Variants in NALF1 observed in about 807,000 individuals in gnomAD.
NALF1 encodes NALCN channel auxiliary factor 1, also known as family with sequence similarity 155 member A.
Under a neutral mutation model 48.4 loss-of-function variants are expected in NALF1, and 3 were observed. The ratio of observed to expected loss-of-function variants is 0.06; its 90% CI spans 0.03 to 0.16. NALF1 has a LOEUF of 0.16. Among genes scored for constraint, NALF1 ranks in the 10% least tolerant of loss-of-function variants. NALF1 has a pLI of 1.00. For synonymous variants in NALF1, 262 were observed against 245.7 expected, an observed-to-expected ratio of 1.07 and a Z score of -0.62; for missense variants, 526 against 571.5, an observed-to-expected ratio of 0.92 and a Z score of 0.81.
chr13:107,560,726 G>C (rs756581253), intron 1 of NALF1, among the ~76,000 whole-genome samples: 4 of 152,008 alleles, frequency 2.6e-5, no homozygotes, highest in Non-Finnish European at 5.9e-5. Context: ...TCCCCCACTG[G>C]TCTACTGGTG....
At chr13:107,811,287 G>A (rs1268558125) in intron 1 of NALF1, among the ~76,000 whole-genome samples, 8 of 152,264 alleles carry the variant, frequency 5.3e-5, no homozygotes, top group African/African-American at 1.9e-4. Context: ...CAGGGGAGAT[G>A]TTATTTCTCT....
At chr13:107,819,342 T>C (rs1879285435) in intron 1 of NALF1, among the ~76,000 whole-genome samples, 1 of 152,154 alleles carries the variant, frequency 6.6e-6, no homozygotes. Context: ...TTTAAGCAAA[T>C]TAATGATTAC....
At chr13:107,203,354 G>T (rs1879562377) in intron 2 of NALF1, among the ~76,000 whole-genome samples, 1 of 152,148 alleles carries the variant, frequency 6.6e-6, no homozygotes, top group Non-Finnish European at 1.5e-5. Context: ...CCTGGCTGTA[G>T]AGGAGATCAC....
intron 1 of NALF1, among the ~76,000 whole-genome samples, chr13:107,731,619 A>G (rs1876311507): frequency 6.6e-6 from 1 of 151,956 alleles, no homozygotes; most frequent in South Asian, 2.1e-4. Context: ...TGTTCTCATC[A>G]CTTATCTCCC....
intron 1 of NALF1, among the ~76,000 whole-genome samples, chr13:107,287,751 G>C (rs1881527566): frequency 7.1e-6 from 1 of 141,006 alleles, no homozygotes; most frequent in Non-Finnish European, 1.5e-5. Context: ...TGTCGCCCAG[G>C]CTGGAGTGCA....
At chr13:107,589,974 T>C (rs866355169) in intron 1 of NALF1, among the ~76,000 whole-genome samples, 19 of 152,004 alleles carry the variant, frequency 1.2e-4, no homozygotes, top group Middle Eastern at 6.3e-3. Flanking sequence ...AGATTACTAT[T>C]TCTTGCTTTT....
chr13:107,773,132 G>T (rs975948224), intron 1 of NALF1, among the ~76,000 whole-genome samples: 3 of 152,084 alleles, frequency 2.0e-5, no homozygotes, highest in African/African-American at 2.4e-5. Flanking sequence ...TACTACTAAG[G>T]TAAGCAGTAT....
At chr13:107,527,798 G>A (rs1191491728) in intron 1 of NALF1, among the ~76,000 whole-genome samples, 2 of 152,020 alleles carry the variant, frequency 1.3e-5, no homozygotes, top group Non-Finnish European at 2.9e-5. Context: ...CATGTAAGAC[G>A]TACCTTTCTG....
intron 1 of NALF1, among the ~76,000 whole-genome samples, chr13:107,815,447 A>C (rs1458499186): frequency 6.6e-6 from 1 of 152,204 alleles, no homozygotes; most frequent in Non-Finnish European, 1.5e-5. Flanking sequence ...ATAAAAATCA[A>C]AACCTAAATA....
chr13:107,708,390 G>T (rs551907948), intron 1 of NALF1, among the ~76,000 whole-genome samples: 4 of 152,056 alleles, frequency 2.6e-5, no homozygotes. Flanking sequence ...AGTCACAAAC[G>T]TTAGGTATAG....
At chr13:107,668,130 A>G (rs892049250) in intron 1 of NALF1, among the ~76,000 whole-genome samples, 9 of 152,158 alleles carry the variant, frequency 5.9e-5, no homozygotes, top group Admixed American at 2.6e-4. Context: ...CCCTTTCAAA[A>G]GTCACTGGAC....
chr13:107,734,409 A>C (rs7319522), intron 1 of NALF1, among the ~76,000 whole-genome samples: 128,182 of 149,268 alleles, frequency 0.86, 55,375 homozygotes, highest in East Asian at 0.92. Flanking sequence ...TTTAAAAAAA[A>C]ACACACACAC....
rs551722493 is a variant in NALF1 at position 107,236,902 on chromosome 13, T to C, written c.916-26147A>G. On this transcript the variant is annotated intron_variant, in intron 1 of 2. Coordinates refer to ENST00000375915, the MANE Select transcript of NALF1 (RefSeq NM_001080396.3). Reference sequence around the variant, plus strand: ...AACATAGCATAATAACTATTTTACATAGCACTTACATCATATTGAGTATTA... The same window carrying C: ...AACATAGCATAATAACTATTTTACACAGCACTTACATCATATTGAGTATTA... 2.4e-4 allele frequency among the ~76,000 whole-genome samples: 36 copies of C among 152,296 alleles called. No homozygotes were observed. The South Asian group carries it at 6.0e-3, about 25-fold the overall frequency.
intron 1 of NALF1, among the ~76,000 whole-genome samples, chr13:107,371,121 C>T (rs117668827): frequency 0.019 from 2,953 of 152,280 alleles, 49 homozygotes; most frequent in South Asian, 0.041. Context: ...GAATTTCAAC[C>T]GTGAACCTAG....
chr13:107,638,004 A>G (rs1304724329), intron 1 of NALF1, among the ~76,000 whole-genome samples: 2 of 151,800 alleles, frequency 1.3e-5, no homozygotes, highest in Non-Finnish European at 2.9e-5. Flanking sequence ...ATTTGGTTTT[A>G]ACAACTCTGT....
chr13:107,402,282 C>T (rs2138992454), intron 1 of NALF1, among the ~76,000 whole-genome samples: 1 of 152,270 alleles, frequency 6.6e-6, no homozygotes, highest in East Asian at 1.9e-4. Context: ...CAGCAAACAA[C>T]TGAAGATCTT....
At position 107,420,914 on chromosome 13, in the gene NALF1, G is replaced by A. The variant is rs140669704; in HGVS notation, c.916-210159C>T. 2.1e-4 allele frequency among the ~76,000 whole-genome samples: 32 copies of A among 152,048 alleles called. 1 individual carries two copies. Among genetic ancestry groups the A allele is most frequent in the African/African-American group, 7.5e-4 (31 of 41,474 alleles). Reference sequence around the variant, plus strand: ...TAACTTCTTGCTTTTCATGTTTCTCGTATTTCTAGGCATGCTATCTAATAT... The same window carrying A: ...TAACTTCTTGCTTTTCATGTTTCTCATATTTCTAGGCATGCTATCTAATAT... On this transcript the variant is annotated intron_variant, in intron 1 of 2. Transcript: ENST00000375915.
chr13:107,533,777 C>T (rs1354094500), intron 1 of NALF1, among the ~76,000 whole-genome samples: 1 of 152,118 alleles, frequency 6.6e-6, no homozygotes, highest in Non-Finnish European at 1.5e-5. Flanking sequence ...TCTGTGATGC[C>T]TAACATGACA....
At chr13:107,749,317 T>C (rs1223810660) in intron 1 of NALF1, among the ~76,000 whole-genome samples, 1 of 152,054 alleles carries the variant, frequency 6.6e-6, no homozygotes, top group East Asian at 1.9e-4. Context: ...TTTGTGAAAA[T>C]CCGCTGCCAA....
Sources: allele counts gnomAD v4.1 joint callset (sites outside exome capture counted in the v4.1 genomes callset), GRCh38; gene constraint gnomAD v4.1.1; transcripts MANE v1.5; gene names NCBI Gene and HGNC (gene_info 2026-07-23, HGNC 2026-07-21).